NUP210L: variants seen among roughly 807,000 people sequenced by gnomAD.
NUP210L encodes nuclear pore membrane glycoprotein 210-like.
NUP210L carries 74 observed loss-of-function variants against 208.5 expected under a neutral mutation model. The observed-to-expected ratio is 0.35, with a 90% CI of 0.29 to 0.43. NUP210L has a LOEUF of 0.43. Among genes scored for constraint, NUP210L ranks in the 20% least tolerant of loss-of-function variants. The pLI is 1.00. For missense variants in NUP210L, 1,843 were observed against 2,289.4 expected (o/e 0.81, Z 3.98); for synonymous variants, 780 against 816.9 (o/e 0.95, Z 0.77).
At chr1:154,141,561 C>T (rs764769995) in intron 3 of NUP210L, 37 bp from the exon 4 acceptor site, 7 of 1,236,844 alleles carry the variant, frequency 5.7e-6, no homozygotes, top group South Asian at 4.9e-5. Flanking sequence ...GATAGGATCA[C>T]GTATTTAAAA....
At chr1:154,035,202 A>C (rs192713838) in intron 27 of NUP210L, among the ~76,000 whole-genome samples, 1 of 151,968 alleles carries the variant, frequency 6.6e-6, no homozygotes, top group East Asian at 1.9e-4. Context: ...TAGTCTGTCT[A>C]AAGGTTTGTC....
intron 13 of NUP210L, among the ~76,000 whole-genome samples, chr1:154,103,165 G>C (rs1274351220): frequency 6.6e-6 from 1 of 151,746 alleles, no homozygotes; most frequent in African/African-American, 2.4e-5. Context: ...AGGCTGAGGC[G>C]GGCAGATCAC....
chr1:154,139,824 C>A, exon 5 of NUP210L: 1 of 1,612,264 alleles, frequency 6.2e-7, no homozygotes, highest in Non-Finnish European at 8.5e-7. Context: ...TTCATGAATT[C>A]GAACTTTTAC....
rs1292187104 is a variant in NUP210L at position 154,127,425 on chromosome 1, C to G, written c.1079-8G>C. 2 of 1,368,730 alleles carry G rather than the reference C, an allele frequency of 1.5e-6. No individual in the cohort carries two copies. Among genetic ancestry groups the G allele is most frequent in the African/African-American group, 2.9e-5 (2 of 68,626 alleles). 84.8% of individuals were successfully genotyped at this position (1,368,730 alleles called of 1,614,324 possible). ...CAGGTTGGACAGTGAAACCTATACA[C>G]AAATCAAGAAACAAAAATATTAGAA... On this transcript the variant is annotated splice_region_variant and splice_polypyrimidine_tract_variant and intron_variant, in intron 8 of 39. Transcript: ENST00000368559.
At chr1:154,101,304 C>T (rs191020880) in intron 13 of NUP210L, among the ~76,000 whole-genome samples, 31 of 151,980 alleles carry the variant, frequency 2.0e-4, no homozygotes, top group Admixed American at 1.3e-3. Context: ...GGTGAAACCC[C>T]GTCTCTACTA....
chr1:154,086,453 A>G (rs1655628077), intron 16 of NUP210L, among the ~76,000 whole-genome samples: 1 of 152,176 alleles, frequency 6.6e-6, no homozygotes, highest in Non-Finnish European at 1.5e-5. Flanking sequence ...CAACAACCAT[A>G]GTAACAAAAT....
intron 35 of NUP210L, among the ~76,000 whole-genome samples, chr1:154,002,800 A>G (rs1557905690): frequency 6.6e-6 from 1 of 151,932 alleles, no homozygotes; most frequent in Non-Finnish European, 1.5e-5. Context: ...GTCAGGGAAT[A>G]TTAAATGATA....
chr1:154,114,804 C>A (rs1657233486), intron 12 of NUP210L, among the ~76,000 whole-genome samples: 1 of 150,830 alleles, frequency 6.6e-6, no homozygotes, highest in Non-Finnish European at 1.5e-5. Flanking sequence ...GCTTTGTTGT[C>A]CAGGCTGGTC....
At chr1:154,140,950 C>T (rs553411930) in intron 4 of NUP210L, among the ~76,000 whole-genome samples, 2 of 141,132 alleles carry the variant, frequency 1.4e-5, no homozygotes, top group South Asian at 2.3e-4. Context: ...GCCAAGATCA[C>T]GCCACTGCAC....
chr1:153,998,281 G>A (rs116269934), intron 37 of NUP210L, among the ~76,000 whole-genome samples: 13 of 152,224 alleles, frequency 8.5e-5, no homozygotes, highest in Non-Finnish European at 1.8e-4. Context: ...ACGGCCAGGC[G>A]CAGTAACTTA....
Position 154,051,764 on chromosome 1 carries a change from TTGTC to T in NUP210L, c.3483+2460_3483+2463del, listed in dbSNP as rs1653513998. On this transcript the variant is annotated intron_variant, in intron 25 of 39. Transcript: ENST00000368559. The stretch of plus-strand genomic sequence containing the variant: ...GTATGTGTGGACACCTTTTCTCACT[TTGTC>T]TGGGCTACAGGCCAATCAAGAGAGT... 2.6e-5 allele frequency among the ~76,000 whole-genome samples: 4 copies of T among 152,354 alleles called. No individual in the cohort carries two copies. In the South Asian group the frequency reaches 6.2e-4, roughly 24 times the overall value.
chr1:154,055,104 T>TC (rs1557943848), intron 23 of NUP210L, among the ~76,000 whole-genome samples: 1 of 149,898 alleles, frequency 6.7e-6, no homozygotes, highest in East Asian at 2.0e-4. Flanking sequence ...CTTCTCTTTC[T>TC]TTTCTTTCTC....
intron 15 of NUP210L, among the ~76,000 whole-genome samples, chr1:154,092,155 A>T (rs536838318): frequency 6.9e-6 from 1 of 144,336 alleles, no homozygotes; most frequent in Non-Finnish European, 1.5e-5. Context: ...GGCTCATTGT[A>T]AGCTCCGCCT....
intron 3 of NUP210L, among the ~76,000 whole-genome samples, chr1:154,142,270 CA>C (rs778376094): frequency 4.6e-5 from 7 of 151,604 alleles, no homozygotes; most frequent in Non-Finnish European, 1.0e-4. Context: ...TTTAATTAAC[CA>C]TGGGAAACTT....
At chr1:154,056,483 C>T (rs1431994045) in intron 23 of NUP210L, among the ~76,000 whole-genome samples, 1 of 152,186 alleles carries the variant, frequency 6.6e-6, no homozygotes, top group Non-Finnish European at 1.5e-5. Context: ...GGCACAATCA[C>T]AGCTCACTGC....
At chr1:154,092,024 T>C (rs1655942204) in intron 15 of NUP210L, among the ~76,000 whole-genome samples, 1 of 151,184 alleles carries the variant, frequency 6.6e-6, no homozygotes, top group Non-Finnish European at 1.5e-5. Context: ...AGACAGAAAG[T>C]AGATTGGTGG....
chr1:154,103,688 A>AG (rs1656598320), intron 13 of NUP210L, among the ~76,000 whole-genome samples: 1 of 149,576 alleles, frequency 6.7e-6, no homozygotes, highest in Admixed American at 6.6e-5. Context: ...AAAAAAAAAA[A>AG]GAAAAAAAAA....
At chr1:154,054,997 C>T (rs562882731) in intron 23 of NUP210L, among the ~76,000 whole-genome samples, 165 bp from the exon 24 acceptor site, 6 of 152,078 alleles carry the variant, frequency 3.9e-5, no homozygotes, top group African/African-American at 1.4e-4. Flanking sequence ...AACTCCTGGG[C>T]TCAAGCAATC....
At chr1:154,098,066 TC>T (rs1169624964) in intron 14 of NUP210L, among the ~76,000 whole-genome samples, 1 of 152,058 alleles carries the variant, frequency 6.6e-6, no homozygotes, top group Admixed American at 6.6e-5. Flanking sequence ...AAGCATGGGG[TC>T]CAGCCACTGC....
Sources: gnomAD v4.1 joint callset for allele counts (sites outside exome capture counted in the v4.1 genomes callset) on GRCh38, gnomAD v4.1.1 for gene constraint, MANE v1.5 for transcripts, NCBI Gene and HGNC (gene_info 2026-07-23, HGNC 2026-07-21) for gene names.